The following APOBEC3F variants were observed in gnomAD, a reference collection of about 807,000 sequenced individuals.
APOBEC3F encodes the protein DNA dC->dU-editing enzyme APOBEC-3F.
In APOBEC3F, 34 loss-of-function variants were observed where a neutral mutation model predicts 45.8. That is an observed-to-expected ratio of 0.74 (90% confidence interval 0.57 to 0.99). APOBEC3F has a LOEUF of 0.99. APOBEC3F is among the 50% of genes least tolerant of loss of function. The pLI is 0.00. For synonymous variants in APOBEC3F, 192 were observed against 174.4 expected (o/e 1.10, Z -0.80); for missense variants, 459 against 474.1 (o/e 0.97, Z 0.30).
At position 39,045,252 on chromosome 22, in the gene APOBEC3F, C is replaced by A. The variant is rs775300816; in HGVS notation, c.451+32C>A. 4 of 1,607,804 alleles carry A rather than the reference C, an allele frequency of 2.5e-6. No homozygotes were observed. The South Asian group carries it at 4.4e-5, about 18-fold the overall frequency. On this transcript the variant is annotated intron_variant, in intron 3 of 6. Coordinates refer to ENST00000308521, the MANE Select transcript of APOBEC3F (RefSeq NM_145298.6). ...GGTGGAGGGGTCAGGGGAGCGTGAGCGGGAGGAACAGCATGAAAGATGGAT... is the reference window on the plus strand; with the variant it reads ...GGTGGAGGGGTCAGGGGAGCGTGAGAGGGAGGAACAGCATGAAAGATGGAT...
chr22:39,044,425 T>C (rs1927096506), intron 2 of APOBEC3F: 10 of 1,360,730 alleles, frequency 7.3e-6, no homozygotes, highest in Non-Finnish European at 7.6e-6. Context: ...TGGGCTCGAG[T>C]TCTGGCCTCT....
At chr22:39,051,346 G>T (rs778404366) in intron 5 of APOBEC3F, among the ~76,000 whole-genome samples, 101 of 151,230 alleles carry the variant, frequency 6.7e-4, no homozygotes, top group South Asian at 1.3e-3. Context: ...AACCATGCTC[G>T]CTAACTCGGT....
chr22:39,043,192 G>T (rs1364467429), intron 2 of APOBEC3F, 102 bp downstream of exon 2: 7 of 1,432,188 alleles, frequency 4.9e-6, no homozygotes, highest in Non-Finnish European at 6.5e-6. Flanking sequence ...GCTATCCAGT[G>T]TGTCCTTCTC....
At chr22:39,043,298 G>GT (rs386353176) in intron 2 of APOBEC3F, among the ~76,000 whole-genome samples, 105 of 120,034 alleles carry the variant, frequency 8.7e-4, no homozygotes, top group Middle Eastern at 4.3e-3. Flanking sequence ...AAGGCCTTGT[G>GT]TTTTTTTTTT....
At chr22:39,048,518 C>G (rs1474774417) in intron 4 of APOBEC3F, among the ~76,000 whole-genome samples, 1 of 152,036 alleles carries the variant, frequency 6.6e-6, no homozygotes, top group Non-Finnish European at 1.5e-5. Flanking sequence ...ACTAAAAATA[C>G]AAAAACTAGG....
intron 2 of APOBEC3F, among the ~76,000 whole-genome samples, chr22:39,043,344 A>C (rs1428955684): frequency 7.0e-6 from 1 of 143,882 alleles, no homozygotes; most frequent in East Asian, 2.0e-4. Flanking sequence ...CTTGTTGCTC[A>C]GGCTGGAGTG....
intron 1 of APOBEC3F, 90 bp downstream of exon 1, chr22:39,041,067 C>A: frequency 6.5e-7 from 1 of 1,541,546 alleles, no homozygotes; most frequent in East Asian, 2.4e-5. Flanking sequence ...CTCCCCCTGC[C>A]CCAGCCCCAG....
chr22:39,044,811 G>T (rs1482164571), intron 2 of APOBEC3F, 130 bp from the exon 3 acceptor site: 30 of 839,198 alleles, frequency 3.6e-5, no homozygotes, highest in Non-Finnish European at 5.5e-5. Flanking sequence ...AAACAGGGGG[G>T]ATGGAGGAAA....
Position 39,053,834 on chromosome 22 carries a change from G to T in APOBEC3F, c.*1139G>T, listed in dbSNP as rs1927607436. ...CCAAAATGGACTTCTCTGCAAGCCT[G>T]ACTCCTGAAACTGTGCATTGTACCC... On this transcript the variant is annotated 3_prime_UTR_variant, in exon 7 of 7. Transcript: ENST00000308521. 1 of 152,138 alleles carries T rather than the reference G, an allele frequency of 6.6e-6. No individual in the cohort carries two copies. Among genetic ancestry groups the T allele is most frequent in the African/African-American group, 2.4e-5 (1 of 41,414 alleles). 9.4% of individuals were successfully genotyped at this position (152,138 alleles called of 1,614,324 possible).
intron 4 of APOBEC3F, among the ~76,000 whole-genome samples, chr22:39,048,351 T>C (rs995209198): frequency 1.4e-4 from 21 of 152,156 alleles, no homozygotes; most frequent in South Asian, 8.3e-4. Flanking sequence ...GCACATACCA[T>C]GAGCTCAGAC....
rs36012794 is a variant in APOBEC3F, at chr22:39,055,079, T to G, written c.*2384T>G. Among the ~76,000 whole-genome samples, 1,750 of 149,070 alleles carry G rather than the reference T, an allele frequency of 0.012. 13 individuals are homozygous for G. Among genetic ancestry groups the G allele is most frequent in the Non-Finnish European group, 0.019 (1,282 of 67,176 alleles). On this transcript the variant is annotated 3_prime_UTR_variant, in exon 7 of 7. Coordinates refer to ENST00000308521, the MANE Select transcript of APOBEC3F (RefSeq NM_145298.6). ...GGGGTCTCTCTGCTTCCAAATATCT[T>G]TTTTTTTTTTTTCAGACAGTTTTGC...
chr22:39,041,070 A>G lies in APOBEC3F; in HGVS notation c.17+93A>G, dbSNP rs1451800143. On this transcript the variant is annotated intron_variant, in intron 1 of 6. Transcript: ENST00000308521. Reference sequence around the variant, plus strand: ...GTCAGCCCTGGCCTCCCCCTGCCCCAGCCCCAGCCCTGGGCTCCCTCCCCT... The same window carrying G: ...GTCAGCCCTGGCCTCCCCCTGCCCCGGCCCCAGCCCTGGGCTCCCTCCCCT... The G allele has an allele frequency of 1.6e-5, 23 of 1,453,224 alleles. No homozygotes were observed. In the East Asian group the frequency reaches 6.3e-4, roughly 40 times the overall value. The allele number at this position is 1,453,224 out of a possible 1,614,324, so 90.0% of individuals were successfully genotyped here.
chr22:39,043,174 G>A (rs908165584), intron 2 of APOBEC3F, 84 bp downstream of exon 2: 44 of 1,488,328 alleles, frequency 3.0e-5, no homozygotes, highest in African/African-American at 4.2e-5. Context: ...TGAAGTGCCC[G>A]GCGGCGGGCT....
In APOBEC3F at chr22:39,054,939, A is replaced by C. The variant is rs934584455; in HGVS notation, c.*2244A>C. On this transcript the variant is annotated 3_prime_UTR_variant, in exon 7 of 7. Transcript: ENST00000308521. ...TCACAGATATGGAGGCTACAAGTCCAAGGTGGAGGGGTCGGCGGGGTTGTT... is the reference window on the plus strand; with the variant it reads ...TCACAGATATGGAGGCTACAAGTCCCAGGTGGAGGGGTCGGCGGGGTTGTT... Among the ~76,000 whole-genome samples the C allele has an allele frequency of 6.6e-6, 1 of 152,118 alleles. No homozygotes were observed. Among genetic ancestry groups the C allele is most frequent in the African/African-American group, 2.4e-5 (1 of 41,416 alleles).
At position 39,049,501 on chromosome 22, in the gene APOBEC3F, G is replaced by A. The variant is rs761754118; in HGVS notation, c.643G>A (p.Glu215Lys). Residue 215 changes from glutamate (E) to lysine (K), a missense_variant, in exon 5 of 7, where the codon GAA becomes AAA. Glu to Lys is a moderately conservative substitution (Grantham distance 56, BLOSUM62 1). Coordinates refer to ENST00000308521, the MANE Select transcript of APOBEC3F (RefSeq NM_145298.6). ...CCTACGCAAAGCCTATGGTCGGAAC[G>A]AAAGCTGGCTGTGCTTCACCATGGA... The part of the protein sequence containing the change: ...KNLRKAYGRN[E>K]SWLCFTMEVV... 6 of 1,614,040 alleles carry A rather than the reference G, an allele frequency of 3.7e-6. No individual in the cohort carries two copies. The highest frequency in any genetic ancestry group is 3.4e-6 in the Non-Finnish European group (4 of 1,180,010).
rs1354327315 is a variant in APOBEC3F, at chr22:39,053,069, CT to C, written c.*375del. On this transcript the variant is annotated 3_prime_UTR_variant, in exon 7 of 7. Coordinates refer to ENST00000308521, the MANE Select transcript of APOBEC3F (RefSeq NM_145298.6). ...TGGCTTGATCTTGGCTCACTGCAAA[CT>C]CTGCCTACCAGGTTCAAGCGATTCT... The C allele has an allele frequency of 6.1e-6, 1 of 164,476 alleles. No homozygotes were observed. Among genetic ancestry groups the C allele is most frequent in the Non-Finnish European group, 1.3e-5 (1 of 76,786 alleles). The allele number at this position is 164,476 out of a possible 1,614,324, so 10.2% of individuals were successfully genotyped here. A position where few individuals can be genotyped will look rare whatever the true frequency, so the allele number is the denominator to read the frequency against.
chr22:39,050,707 A>G (rs1026475301), intron 5 of APOBEC3F, among the ~76,000 whole-genome samples: 1 of 151,674 alleles, frequency 6.6e-6, no homozygotes, highest in African/African-American at 2.4e-5. Flanking sequence ...ACACGTGCCA[A>G]CGTTTCTAAT....
At position 39,052,699 on chromosome 22, in the gene APOBEC3F, G is replaced by T. The variant is rs769325175; in HGVS notation, c.*4G>T. The T allele has an allele frequency of 1.9e-6, 3 of 1,610,028 alleles. No individual in the cohort carries two copies. The highest frequency in any genetic ancestry group is 1.7e-6 in the Non-Finnish European group (2 of 1,177,280). ...GCTGCAGGAGATTCTCGAGTGAGGG[G>T]TCTCCCCGGGCCTCATGGTCTGTCT... On this transcript the variant is annotated 3_prime_UTR_variant, in exon 7 of 7. Transcript: ENST00000308521.
rs924435825 is a variant in APOBEC3F at position 39,055,376 on chromosome 22, T to A, written c.*2681T>A. 1.0e-4 allele frequency among the ~76,000 whole-genome samples: 15 copies of A among 149,240 alleles called. No homozygotes were observed. The highest frequency in any genetic ancestry group is 4.4e-5 in the Non-Finnish European group (3 of 67,614). ...TATAAGCCACCATACACAACTTTTTTTTTTTTTTGAGATGGAGTTTCACTC... is the reference window on the plus strand; with the variant it reads ...TATAAGCCACCATACACAACTTTTTATTTTTTTTGAGATGGAGTTTCACTC... On this transcript the variant is annotated 3_prime_UTR_variant, in exon 7 of 7. Coordinates refer to ENST00000308521, the MANE Select transcript of APOBEC3F (RefSeq NM_145298.6).
Sources: gnomAD v4.1 joint callset for allele counts (sites outside exome capture counted in the v4.1 genomes callset) on GRCh38, gnomAD v4.1.1 for gene constraint, MANE v1.5 for transcripts, NCBI Gene and HGNC (gene_info 2026-07-23, HGNC 2026-07-21) for gene names.